The following CEP63 variants were observed in gnomAD, a reference collection of about 807,000 sequenced individuals.
The protein encoded by CEP63 is centrosomal protein of 63 kDa.
A neutral mutation model predicts 89.1 loss-of-function variants in CEP63; 84 were observed. The observed-to-expected ratio is 0.94, with a 90% CI of 0.79 to 1.13. The LOEUF (loss-of-function observed/expected upper bound fraction) is 1.13, where lower values mean the gene tolerates loss of function less well. Ranked by LOEUF, CEP63 falls within the 50% of genes most tolerant of loss-of-function variation. CEP63 has a pLI of 0.00. For synonymous variants in CEP63, 267 were observed against 272.5 expected, an observed-to-expected ratio of 0.98 and a Z score of 0.20; for missense variants, 838 against 813.3, an observed-to-expected ratio of 1.03 and a Z score of -0.37.
intron 12 of CEP63, 86 bp from the exon 13 acceptor site, chr3:134,558,056 A>G: frequency 1.7e-6 from 2 of 1,197,552 alleles, no homozygotes; most frequent in Non-Finnish European, 2.5e-6. Context: ...TTACAACTAA[A>G]AAACACTGAA....
the CEP63 span, among the ~76,000 whole-genome samples, chr3:134,734,748 G>A: frequency 5.9e-5 from 9 of 152,126 alleles, no homozygotes; most frequent in East Asian, 1.9e-4. Flanking sequence ...TAAAGTTGCC[G>A]TAAACACTGA....
chr3:134,763,504 C>G, the CEP63 span, among the ~76,000 whole-genome samples: 1 of 152,100 alleles, frequency 6.6e-6, no homozygotes, highest in Non-Finnish European at 1.5e-5. Context: ...TATTAGGTGC[C>G]TATAGGGATA....
the CEP63 span, chr3:134,608,435 C>A: frequency 1.3e-6 from 2 of 1,510,420 alleles, no homozygotes; most frequent in East Asian, 5.2e-5. Flanking sequence ...TTTGTCCCTG[C>A]TGATGTGGCC....
chr3:134,749,976 T>C, the CEP63 span, among the ~76,000 whole-genome samples: 1 of 152,174 alleles, frequency 6.6e-6, no homozygotes, highest in African/African-American at 2.4e-5. Context: ...AATCCCTTGC[T>C]ACAAGCCCCT....
chr3:134,724,433 GT>G, the CEP63 span, among the ~76,000 whole-genome samples: 1 of 152,210 alleles, frequency 6.6e-6, no homozygotes, highest in Non-Finnish European at 1.5e-5. Context: ...TGCTGGCCAT[GT>G]TGGTATAGAA....
chr3:134,694,329 G>T, the CEP63 span, among the ~76,000 whole-genome samples: 1 of 152,158 alleles, frequency 6.6e-6, no homozygotes, highest in East Asian at 1.9e-4. Flanking sequence ...CTCTGTCCAG[G>T]CTCCTCATCT....
At chr3:134,554,062 T>A (rs1367176861) in intron 12 of CEP63, among the ~76,000 whole-genome samples, 7 of 152,210 alleles carry the variant, frequency 4.6e-5, no homozygotes, top group Non-Finnish European at 8.8e-5. Context: ...GATTTATTTT[T>A]GTTCTATTTT....
the CEP63 span, among the ~76,000 whole-genome samples, chr3:134,731,767 A>C: frequency 6.6e-6 from 1 of 152,212 alleles, no homozygotes; most frequent in South Asian, 2.1e-4. Flanking sequence ...GCTGCTGAAC[A>C]TCTGTAGGGT....
chr3:134,623,479 C>A, the CEP63 span, among the ~76,000 whole-genome samples: 1 of 152,158 alleles, frequency 6.6e-6, no homozygotes, highest in Non-Finnish European at 1.5e-5. Flanking sequence ...TTCCCTTCTT[C>A]AATCAATGGC....
At chr3:134,578,294 C>T (rs1019800301), downstream of CEP63, among the ~76,000 whole-genome samples, 5 of 138,218 alleles carry the variant, frequency 3.6e-5, no homozygotes, top group Non-Finnish European at 6.2e-5. Context: ...TGTTTCTTGA[C>T]TTTTTAATAA....
the CEP63 span, among the ~76,000 whole-genome samples, chr3:134,688,404 A>C: frequency 2.0e-5 from 3 of 152,212 alleles, no homozygotes; most frequent in African/African-American, 7.2e-5. Flanking sequence ...AATGGACACA[A>C]AGCTACTTTT....
the CEP63 span, chr3:134,606,916 C>T: frequency 1.0e-4 from 99 of 985,122 alleles, no homozygotes; most frequent in East Asian, 3.4e-4. Context: ...CCTTTCTGCT[C>T]ATCTCAGTTT....
the CEP63 span, chr3:134,603,006 C>T: frequency 6.6e-6 from 1 of 152,182 alleles, no homozygotes; most frequent in Non-Finnish European, 1.5e-5. Context: ...TCTTGAAGAA[C>T]AAGAAGTAGC....
At chr3:134,552,138 A>G in intron 12 of CEP63, 126 bp downstream of exon 12, 1 of 584,914 alleles carries the variant, frequency 1.7e-6, no homozygotes, top group Non-Finnish European at 3.0e-6. Flanking sequence ...TTTCTCAAAG[A>G]AAATGAAGGT....
chr3:134,666,932 G>C, the CEP63 span, among the ~76,000 whole-genome samples: 1 of 152,070 alleles, frequency 6.6e-6, no homozygotes, highest in Non-Finnish European at 1.5e-5. Flanking sequence ...CTAGAATCTG[G>C]GTCTGTTTTA....
At chr3:134,722,991 C>T in the CEP63 span, among the ~76,000 whole-genome samples, 24 of 152,202 alleles carry the variant, frequency 1.6e-4, no homozygotes, top group African/African-American at 5.8e-4. Flanking sequence ...GTTCTTTGGG[C>T]ACAGCAGTTT....
At position 134,503,304 on chromosome 3, in the gene CEP63, T is replaced by C. The variant is rs114543414; in HGVS notation, c.45-3805T>C. 2.5e-3 allele frequency among the ~76,000 whole-genome samples: 376 copies of C among 152,158 alleles called. 2 individuals carry two copies. Among genetic ancestry groups the C allele is most frequent in the African/African-American group, 8.4e-3 (349 of 41,512 alleles). ...TCATTCAGGAGCATGCTGCTTAATT[T>C]CCATGTATTTGTGCAGTTTCCAAAG... is the stretch of plus-strand genomic sequence containing the variant. On this transcript the variant is annotated intron_variant, in intron 2 of 14. Transcript: ENST00000675561.
the CEP63 span, among the ~76,000 whole-genome samples, chr3:134,676,206 A>T: frequency 6.6e-6 from 1 of 152,258 alleles, no homozygotes; most frequent in African/African-American, 2.4e-5. Flanking sequence ...GAATGAATAA[A>T]CAAGCTATGG....
the CEP63 span, among the ~76,000 whole-genome samples, chr3:134,651,796 C>T: frequency 6.6e-6 from 1 of 152,266 alleles, no homozygotes; most frequent in Admixed American, 6.5e-5. Context: ...GGAGCTGGAC[C>T]TGAGAAGCCT....
Sources: gnomAD v4.1 joint callset for allele counts (sites outside exome capture counted in the v4.1 genomes callset) on GRCh38, gnomAD v4.1.1 for gene constraint, MANE v1.5 for transcripts, NCBI Gene and HGNC (gene_info 2026-07-23, HGNC 2026-07-21) for gene names.